EXOC1: variants seen among roughly 807,000 people sequenced by gnomAD.
EXOC1 encodes the protein exocyst complex component 1, also known as SEC3-like 1.
Under a neutral mutation model 107.7 loss-of-function variants are expected in EXOC1, and 67 were observed. The ratio of observed to expected loss-of-function variants is 0.62; its 90% CI spans 0.51 to 0.76. The LOEUF (loss-of-function observed/expected upper bound fraction) is 0.76. EXOC1 is among the 30% of genes least tolerant of loss of function. The pLI, the probability that EXOC1 is intolerant of heterozygous loss-of-function variation, is 0.00. For missense variants in EXOC1, 833 were observed against 1,055.7 expected (o/e 0.79, Z 2.92); for synonymous variants, 348 against 353.5 (o/e 0.98, Z 0.17).
Position 55,883,827 on chromosome 4 carries a change from A to C in EXOC1, c.1229A>C (p.Tyr410Ser). 6.4e-7 allele frequency: 1 copy of C among 1,564,744 alleles called. No individual in the cohort carries two copies. The highest frequency in any genetic ancestry group is 2.3e-5 in the East Asian group (1 of 43,736). The change falls in exon 10 of 19, where the codon TAC becomes TCC. Residue 410 changes from tyrosine (Y) to serine (S), a missense_variant. Tyr to Ser is a moderately radical substitution (Grantham distance 144, BLOSUM62 -2). Coordinates refer to ENST00000381295, the MANE Select transcript of EXOC1 (RefSeq NM_001024924.2). ...YGKYEGLTKNYMDYLSRLYER... is the reference protein window; with the variant it reads ...YGKYEGLTKNSMDYLSRLYER... ...ACATGTTACTTTTATTTTAAGAATTACATGGATTATTTATCCCGACTATAT... is the reference window on the plus strand; with the variant it reads ...ACATGTTACTTTTATTTTAAGAATTCCATGGATTATTTATCCCGACTATAT...
intron 3 of EXOC1, among the ~76,000 whole-genome samples, 192 bp downstream of exon 3, chr4:55,860,733 A>G (rs1721398338): frequency 6.6e-6 from 1 of 152,170 alleles, no homozygotes; most frequent in African/African-American, 2.4e-5. Flanking sequence ...CTTTGACTGT[A>G]TACATTTCTG....
chr4:55,858,217 CTTG>C, intron 1 of EXOC1, 94 bp from the exon 2 acceptor site: 1 of 1,295,144 alleles, frequency 7.7e-7, no homozygotes. Context: ...TTTTCCTAGG[CTTG>C]TTAACCAAAA....
In EXOC1 at chr4:55,896,316, A is replaced by AT. The variant is rs796497439; in HGVS notation, c.1954-392dup. Among the ~76,000 whole-genome samples the AT allele has an allele frequency of 7.2e-4, 109 of 151,110 alleles. 2 individuals carry two copies. Among genetic ancestry groups the AT allele is most frequent in the African/African-American group, 2.5e-3 (105 of 41,196 alleles). On this transcript the variant is annotated intron_variant, in intron 15 of 18. Coordinates refer to ENST00000381295, the MANE Select transcript of EXOC1 (RefSeq NM_001024924.2). ...AGGCATGCACGACCCCACCCAGCTA[A>AT]TTTTTTTTTGTATTTTTTGTAGAGA...
chr4:55,866,293 T>C (rs997432191), intron 4 of EXOC1, among the ~76,000 whole-genome samples: 2 of 152,168 alleles, frequency 1.3e-5, no homozygotes, highest in Non-Finnish European at 2.9e-5. Flanking sequence ...TTTTCAGCAG[T>C]TGAAGTAGAT....
At chr4:55,867,580 A>G (rs1722067637) in intron 4 of EXOC1, among the ~76,000 whole-genome samples, 1 of 151,698 alleles carries the variant, frequency 6.6e-6, no homozygotes, top group Non-Finnish European at 1.5e-5. Flanking sequence ...AAAAAAAAAA[A>G]TGAACTGAAA....
intron 8 of EXOC1, chr4:55,876,464 CA>C: frequency 1.6e-6 from 1 of 634,992 alleles, no homozygotes; most frequent in Non-Finnish European, 2.0e-6. Flanking sequence ...TCACTCTAAG[CA>C]CTATAAATAG....
At chr4:55,885,044 T>A (rs1723737689) in intron 10 of EXOC1, among the ~76,000 whole-genome samples, 3 of 152,200 alleles carry the variant, frequency 2.0e-5, no homozygotes, top group African/African-American at 7.2e-5. Flanking sequence ...TAACTCATCC[T>A]AAAGGTTAAT....
In EXOC1 at chr4:55,860,536, A is replaced by C. The variant is rs151033094; in HGVS notation, c.250A>C (p.Ile84Leu). 1 of 1,613,844 alleles carries C rather than the reference A, an allele frequency of 6.2e-7. No individual in the cohort carries two copies. Among genetic ancestry groups the C allele is most frequent in the Non-Finnish European group, 8.5e-7 (1 of 1,179,784 alleles). Residue 84 changes from isoleucine (I) to leucine (L), a missense_variant, in exon 3 of 19, where the codon ATC becomes CTC. Transcript: ENST00000381295. ...DLAVVDAKDA[I>L]KENPEFDLHF... Reference sequence around the variant, plus strand: ...TGCTGTGGTAGATGCCAAAGATGCTATCAAAGTAGGTTTTTCTCAGTTCTT... The same window carrying C: ...TGCTGTGGTAGATGCCAAAGATGCTCTCAAAGTAGGTTTTTCTCAGTTCTT...
intron 9 of EXOC1, among the ~76,000 whole-genome samples, chr4:55,880,489 A>G (rs1723291360): frequency 6.6e-6 from 1 of 152,134 alleles, no homozygotes. Context: ...TCTTAAGGAA[A>G]AAATTTACAT....
Position 55,890,396 on chromosome 4 carries a change from A to T in EXOC1, c.1539+10A>T. The stretch of plus-strand genomic sequence containing the variant: ...GACCAAATTTGATAAGGTAAACTAA[A>T]ATAACAAGTACTTCTTAAACATTAA... On this transcript the variant is annotated intron_variant, in intron 12 of 18. Transcript: ENST00000381295. 2 of 1,612,028 alleles carry T rather than the reference A, an allele frequency of 1.2e-6. No individual in the cohort carries two copies. The highest frequency in any genetic ancestry group is 1.7e-6 in the Non-Finnish European group (2 of 1,178,650).
Position 55,883,924 on chromosome 4 carries a change from G to A in EXOC1, c.1326G>A (p.Lys442=), listed in dbSNP as rs906418454. ...CTGGCACAACTAAAGAAAGCAAGAA[G>A]TTTGGTAAGCTTAGGCATGTCAGTT... The part of the protein sequence containing the change: ...KMTGTTKESK[K]FATLPRKESA... The change falls in exon 10 of 19, where the codon AAG becomes AAA. Residue 442 remains lysine, a synonymous_variant. Transcript: ENST00000381295. 2 of 1,600,748 alleles carry A rather than the reference G, an allele frequency of 1.2e-6. No individual in the cohort carries two copies. The highest frequency in any genetic ancestry group is 2.7e-5 in the African/African-American group (2 of 74,092).
chr4:55,889,116 A>C (rs1230074709), intron 11 of EXOC1, among the ~76,000 whole-genome samples, 184 bp downstream of exon 11: 1 of 152,250 alleles, frequency 6.6e-6, no homozygotes, highest in Non-Finnish European at 1.5e-5. Flanking sequence ...TGATATAGTT[A>C]AAATTACTTG....
chr4:55,866,940 C>T, intron 4 of EXOC1: 1 of 969,772 alleles, frequency 1.0e-6, no homozygotes, highest in Non-Finnish European at 1.2e-6. Context: ...TTATTAGTTG[C>T]CTTTGTTATA....
Position 55,876,633 on chromosome 4 carries a change from G to C in EXOC1, c.1075-1284G>C, listed in dbSNP as rs918843046. The C allele has an allele frequency of 5.1e-6, 5 of 985,142 alleles. No homozygotes were observed. The African/African-American group carries it at 8.7e-5, about 17-fold the overall frequency. The allele number at this position is 985,142 out of a possible 1,614,324, so 61.0% of individuals were successfully genotyped here. On this transcript the variant is annotated intron_variant, in intron 8 of 18. Transcript: ENST00000381295. Reference sequence around the variant, plus strand: ...ACATCTGTGGTAGCTGTGAACTTCTGTTGCCCCTGTGTTCTAGTTCTTGTT... The same window carrying C: ...ACATCTGTGGTAGCTGTGAACTTCTCTTGCCCCTGTGTTCTAGTTCTTGTT...
chr4:55,888,384 C>T lies in EXOC1; in HGVS notation c.1331-504C>T, dbSNP rs1196559193. 2.6e-5 allele frequency among the ~76,000 whole-genome samples: 4 copies of T among 152,092 alleles called. No homozygotes were observed. In the East Asian group the frequency reaches 7.7e-4, roughly 29 times the overall value. On this transcript the variant is annotated intron_variant, in intron 10 of 18. Coordinates refer to ENST00000381295, the MANE Select transcript of EXOC1 (RefSeq NM_001024924.2). ...TTTTAACTTTTCAGTGGTTTTAAAG[C>T]CCCACTCATATAATTTTTTGTTGGA...
chr4:55,861,484 C>T (rs186562261), intron 3 of EXOC1, among the ~76,000 whole-genome samples: 1 of 152,262 alleles, frequency 6.6e-6, no homozygotes, highest in African/African-American at 2.4e-5. Context: ...TGGTACAAAC[C>T]TCCAAGGATC....
chr4:55,880,681 T>A (rs1057324813), intron 9 of EXOC1, among the ~76,000 whole-genome samples: 2 of 152,182 alleles, frequency 1.3e-5, no homozygotes, highest in African/African-American at 4.8e-5. Context: ...TGCCCTATCT[T>A]TATATATAAT....
At chr4:55,861,813 G>A (rs1721499880) in intron 3 of EXOC1, among the ~76,000 whole-genome samples, 1 of 152,236 alleles carries the variant, frequency 6.6e-6, no homozygotes, top group African/African-American at 2.4e-5. Flanking sequence ...TAACACTTTG[G>A]GAGGCCGAGG....
intron 14 of EXOC1, 140 bp downstream of exon 14, chr4:55,892,851 A>C: frequency 1.4e-6 from 1 of 714,734 alleles, no homozygotes; most frequent in South Asian, 1.9e-5. Flanking sequence ...TTGTCTTATC[A>C]AACGTTTTAC....
Sources: gnomAD v4.1 joint callset for allele counts (sites outside exome capture counted in the v4.1 genomes callset) on GRCh38, gnomAD v4.1.1 for gene constraint, MANE v1.5 for transcripts, NCBI Gene and HGNC (gene_info 2026-07-23, HGNC 2026-07-21) for gene names.